Variants in ABLIM1 observed in about 807,000 individuals in gnomAD.
The protein encoded by ABLIM1 is actin-binding LIM protein 1.
Under a neutral mutation model 107.0 loss-of-function variants are expected in ABLIM1, and 40 were observed. That is an observed-to-expected ratio of 0.37 (90% CI 0.29 to 0.49). The LOEUF (loss-of-function observed/expected upper bound fraction) is 0.49, where lower values mean the gene tolerates loss of function less well. Among genes scored for constraint, ABLIM1 ranks in the 20% least tolerant of loss-of-function variants. The probability of loss-of-function intolerance (pLI) is 0.97; values close to 1 mark genes in which losing one functional copy is unlikely to be tolerated. For missense variants in ABLIM1, 857 were observed against 1,008.5 expected (o/e 0.85, Z 2.04); for synonymous variants, 357 against 357.3 (o/e 1.00, Z 0.01).
chr10:114,699,944 A>G (rs569747585), intron 1 of ABLIM1, among the ~76,000 whole-genome samples: 1 of 152,270 alleles, frequency 6.6e-6, no homozygotes, highest in Non-Finnish European at 1.5e-5. Context: ...AGAATTAAGC[A>G]AAAAGTTATT....
At position 114,574,176 on chromosome 10, in the gene ABLIM1, C is replaced by T. The variant is rs76020998; in HGVS notation, c.563+1240G>A. Among the ~76,000 whole-genome samples, 808 of 152,282 alleles carry T rather than the reference C, an allele frequency of 5.3e-3. 9 individuals carry two copies. Among genetic ancestry groups the T allele is most frequent in the African/African-American group, 0.018 (767 of 41,546 alleles). On this transcript the variant is annotated intron_variant, in intron 3 of 22. Transcript: ENST00000533213. ...ATACAATGCTGAAAAACAGACAACA[C>T]GTCTCCTCTGAATTGGGGTTTTTAG... is the stretch of plus-strand genomic sequence containing the variant.
intron 7 of ABLIM1, among the ~76,000 whole-genome samples, chr10:114,490,478 A>G (rs2058763043): frequency 6.6e-6 from 1 of 152,252 alleles, no homozygotes; most frequent in African/African-American, 2.4e-5. Context: ...TTACAGGTAC[A>G]CATAGTGCCA....
intron 6 of ABLIM1, among the ~76,000 whole-genome samples, chr10:114,494,426 C>T (rs1342285846): frequency 6.6e-6 from 1 of 152,286 alleles, no homozygotes; most frequent in East Asian, 1.9e-4. Context: ...GTCACAGCTA[C>T]TTGGAGGCTG....
intron 4 of ABLIM1, among the ~76,000 whole-genome samples, chr10:114,562,564 A>G (rs1183952541): frequency 2.6e-5 from 4 of 152,214 alleles, no homozygotes; most frequent in Admixed American, 2.0e-4. Flanking sequence ...ACATGTTTTG[A>G]TTCTGTTATC....
chr10:114,757,191 T>A (rs2082648954), intron 1 of ABLIM1, among the ~76,000 whole-genome samples: 1 of 152,026 alleles, frequency 6.6e-6, no homozygotes, highest in East Asian at 1.9e-4. Context: ...AAATGAAAAA[T>A]AGATAGATTC....
intron 1 of ABLIM1, among the ~76,000 whole-genome samples, chr10:114,649,084 C>T (rs2079127490): frequency 6.6e-6 from 1 of 152,116 alleles, no homozygotes; most frequent in African/African-American, 2.4e-5. Flanking sequence ...CTCTGGACCT[C>T]AGTCTCTTAC....
At chr10:114,480,172 G>C (rs1009982809) in intron 8 of ABLIM1, among the ~76,000 whole-genome samples, 1 of 152,158 alleles carries the variant, frequency 6.6e-6, no homozygotes, top group African/African-American at 2.4e-5. Context: ...ATCCTTACCT[G>C]TAGTTATTTA....
chr10:114,563,396 C>T (rs1483232431), intron 4 of ABLIM1, among the ~76,000 whole-genome samples: 1 of 152,114 alleles, frequency 6.6e-6, no homozygotes, highest in African/African-American at 2.4e-5. Context: ...AGACAGACAA[C>T]AGAGTTGTCT....
intron 19 of ABLIM1, 87 bp from the exon 20 acceptor site, chr10:114,440,176 C>T: frequency 1.5e-6 from 2 of 1,337,700 alleles, no homozygotes; most frequent in Non-Finnish European, 2.1e-6. Context: ...TATTGAAATT[C>T]CCAACATATT....
chr10:114,637,900 T>C lies in ABLIM1; in HGVS notation c.244+20057A>G, dbSNP rs1307428127. On this transcript the variant is annotated intron_variant, in intron 1 of 22. Transcript: ENST00000533213. ...TTACTACCAGCTTTCTCTTTTATTG[T>C]AATATTTTCTAGATAGAAATCCAGT... Among the ~76,000 whole-genome samples, 5 of 152,250 alleles carry C rather than the reference T, an allele frequency of 3.3e-5. 1 individual carries two copies. The highest frequency in any genetic ancestry group is 3.3e-4 in the Admixed American group (5 of 15,284).
intron 1 of ABLIM1, among the ~76,000 whole-genome samples, chr10:114,727,608 G>A (rs531972432): frequency 9.2e-5 from 14 of 152,278 alleles, no homozygotes; most frequent in African/African-American, 3.1e-4. Flanking sequence ...TCTTAAACGG[G>A]TCAAAAAACT....
chr10:114,769,749 GA>G (rs568242720), upstream of ABLIM1, among the ~76,000 whole-genome samples: 1 of 151,914 alleles, frequency 6.6e-6, no homozygotes, highest in Non-Finnish European at 1.5e-5. Flanking sequence ...GAGCATTGTT[GA>G]AAAAAACCCA....
chr10:114,551,646 T>C (rs2068074981), intron 4 of ABLIM1, among the ~76,000 whole-genome samples: 2 of 152,234 alleles, frequency 1.3e-5, no homozygotes. Context: ...GGCTGAAGTT[T>C]TCCTTTTGAT....
In ABLIM1 at chr10:114,584,219, T is replaced by C. The variant is rs189998978; in HGVS notation, c.380-8620A>G. The stretch of plus-strand genomic sequence containing the variant: ...CCCTGCACCTTCCTAGGCTGTCATG[T>C]GCTAGAGCTGGGCTGGAGCAAACGC... On this transcript the variant is annotated intron_variant, in intron 2 of 22. Coordinates refer to ENST00000533213, the MANE Select transcript of ABLIM1 (RefSeq NM_002313.7). Among the ~76,000 whole-genome samples, 27 of 152,308 alleles carry C rather than the reference T, an allele frequency of 1.8e-4. No individual in the cohort carries two copies. The East Asian group carries it at 3.1e-3, about 17-fold the overall frequency.
At chr10:114,735,056 T>C (rs1461842891) in intron 1 of ABLIM1, among the ~76,000 whole-genome samples, 1 of 152,166 alleles carries the variant, frequency 6.6e-6, no homozygotes, top group Non-Finnish European at 1.5e-5. Flanking sequence ...TCTTTTTCTC[T>C]ACCATGTACA....
In ABLIM1 at chr10:114,542,132, G is replaced by C. The variant is rs80060560; in HGVS notation, c.894+2873C>G. ...CTATTGTTTCTTTTTATGAGGGCCA[G>C]GCTTGGTTGCTCATGCCTGTAATCT... On this transcript the variant is annotated intron_variant, in intron 6 of 22. Coordinates refer to ENST00000533213, the MANE Select transcript of ABLIM1 (RefSeq NM_002313.7). Among the ~76,000 whole-genome samples the C allele has an allele frequency of 2.3e-3, 347 of 152,290 alleles. 6 individuals carry two copies. The East Asian group carries it at 0.042, about 18-fold the overall frequency.
chr10:114,638,662 C>T (rs2078596509), intron 1 of ABLIM1, among the ~76,000 whole-genome samples: 1 of 116,068 alleles, frequency 8.6e-6, no homozygotes, highest in Admixed American at 8.7e-5. Context: ...CACACACACA[C>T]ACACACAAGC....
intron 6 of ABLIM1, among the ~76,000 whole-genome samples, chr10:114,506,044 T>C (rs182842164): frequency 5.9e-5 from 9 of 152,322 alleles, no homozygotes; most frequent in Admixed American, 3.9e-4. Flanking sequence ...TAGTCCCTAA[T>C]GTCTACTGTT....
intron 6 of ABLIM1, among the ~76,000 whole-genome samples, chr10:114,498,688 A>G (rs942447100): frequency 6.6e-6 from 1 of 152,236 alleles, no homozygotes; most frequent in Admixed American, 6.5e-5. Flanking sequence ...GCTGATTCTT[A>G]TCAGAGAAGG....
Sources: gnomAD v4.1 joint callset for allele counts (sites outside exome capture counted in the v4.1 genomes callset) on GRCh38, gnomAD v4.1.1 for gene constraint, MANE v1.5 for transcripts, NCBI Gene and HGNC (gene_info 2026-07-23, HGNC 2026-07-21) for gene names.